MAMDC2: variants seen among roughly 807,000 people sequenced by gnomAD.
MAMDC2 encodes the protein MAM domain-containing protein 2.
A neutral mutation model predicts 89.8 loss-of-function variants in MAMDC2; 57 were observed. The ratio of observed to expected loss-of-function variants is 0.63; its 90% CI spans 0.51 to 0.79. MAMDC2 has a LOEUF of 0.79. Among genes scored for constraint, MAMDC2 ranks in the 30% least tolerant of loss-of-function variants. The pLI is 0.00. For synonymous variants in MAMDC2, 313 were observed against 293.4 expected (o/e 1.07, Z -0.68); for missense variants, 800 against 820.6 (o/e 0.97, Z 0.31).
At chr9:70,107,223 G>A (rs536530045) in intron 2 of MAMDC2, among the ~76,000 whole-genome samples, 3 of 152,230 alleles carry the variant, frequency 2.0e-5, no homozygotes, top group South Asian at 2.1e-4. Context: ...GGGTTTGGAA[G>A]GCTCGAGTTA....
At chr9:70,064,688 A>C (rs1418889167) in intron 2 of MAMDC2, among the ~76,000 whole-genome samples, 1 of 152,196 alleles carries the variant, frequency 6.6e-6, no homozygotes, top group Non-Finnish European at 1.5e-5. Flanking sequence ...TAAATGGCAA[A>C]AATTTTACTG....
At chr9:70,179,465 A>G (rs1167577175) in intron 11 of MAMDC2, among the ~76,000 whole-genome samples, 1 of 151,708 alleles carries the variant, frequency 6.6e-6, no homozygotes, top group Non-Finnish European at 1.5e-5. Context: ...CGGAGCTTGC[A>G]GTGAGCCGAG....
At chr9:70,065,277 T>TA (rs1369758633) in intron 2 of MAMDC2, among the ~76,000 whole-genome samples, 1 of 152,182 alleles carries the variant, frequency 6.6e-6, no homozygotes, top group Non-Finnish European at 1.5e-5. Context: ...TCCATATTGA[T>TA]AAGATTTGCT....
At chr9:70,140,365 C>A in intron 8 of MAMDC2, 77 bp downstream of exon 8, 1 of 1,428,128 alleles carries the variant, frequency 7.0e-7, no homozygotes, top group Non-Finnish European at 9.4e-7. Flanking sequence ...TTCACACCTG[C>A]AAAGACATCG....
At chr9:70,154,794 G>A (rs2031698920) in intron 9 of MAMDC2, among the ~76,000 whole-genome samples, 2 of 152,232 alleles carry the variant, frequency 1.3e-5, no homozygotes, top group South Asian at 2.1e-4. Context: ...TTACAGGCGT[G>A]AGCCACCGTG....
intron 4 of MAMDC2, among the ~76,000 whole-genome samples, chr9:70,110,016 T>C (rs959396462): frequency 1.3e-5 from 2 of 152,200 alleles, no homozygotes; most frequent in East Asian, 1.9e-4. Flanking sequence ...GCCTGTACAG[T>C]CTGGATTAAT....
At chr9:70,138,771 A>G (rs998516405) in intron 7 of MAMDC2, among the ~76,000 whole-genome samples, 7 of 152,132 alleles carry the variant, frequency 4.6e-5, no homozygotes, top group Admixed American at 2.0e-4. Context: ...AGGGTAAATA[A>G]TACCAGAACT....
At chr9:70,179,966 T>A (rs1209412335) in intron 11 of MAMDC2, among the ~76,000 whole-genome samples, 1 of 151,066 alleles carries the variant, frequency 6.6e-6, no homozygotes, top group African/African-American at 2.4e-5. Context: ...TTGCCAGACC[T>A]ATCATCCCAA....
intron 2 of MAMDC2, among the ~76,000 whole-genome samples, chr9:70,068,725 C>CAAAAAAAAA (rs34946038): frequency 2.0e-5 from 2 of 99,754 alleles, no homozygotes; most frequent in Admixed American, 1.3e-4. Context: ...CCCTCCATCA[C>CAAAAAAAAA]AAAAAAAAAA....
intron 2 of MAMDC2, among the ~76,000 whole-genome samples, chr9:70,098,978 C>G (rs1828093340): frequency 6.6e-6 from 1 of 152,028 alleles, no homozygotes; most frequent in Non-Finnish European, 1.5e-5. Flanking sequence ...GAGCTGAAGT[C>G]TTAAAAGTTA....
intron 2 of MAMDC2, among the ~76,000 whole-genome samples, chr9:70,078,231 A>G (rs1442134605): frequency 6.6e-6 from 1 of 152,184 alleles, no homozygotes; most frequent in Admixed American, 6.5e-5. Context: ...GTATCTTACT[A>G]ACCTTAAATC....
intron 2 of MAMDC2, among the ~76,000 whole-genome samples, chr9:70,084,410 G>A (rs1291944628): frequency 2.6e-5 from 4 of 152,056 alleles, no homozygotes; most frequent in Admixed American, 6.6e-5. Context: ...ACCTGATATA[G>A]AGTAGATGCT....
chr9:70,044,259 G>A (rs753387274), intron 1 of MAMDC2, 28 bp downstream of exon 1: 5 of 1,609,356 alleles, frequency 3.1e-6, no homozygotes, highest in Middle Eastern at 1.6e-4. Flanking sequence ...GGACAACCCC[G>A]GGGGCGCTCT....
At chr9:70,196,822 T>C (rs1056950596) in intron 11 of MAMDC2, among the ~76,000 whole-genome samples, 2 of 152,150 alleles carry the variant, frequency 1.3e-5, no homozygotes, top group Middle Eastern at 3.4e-3. Context: ...GCCAGGATAG[T>C]GTACAAAGCA....
At chr9:70,149,744 C>A (rs1292220296) in intron 9 of MAMDC2, among the ~76,000 whole-genome samples, 1 of 152,056 alleles carries the variant, frequency 6.6e-6, no homozygotes, top group African/African-American at 2.4e-5. Flanking sequence ...ATAAAGTGCA[C>A]CAGGGTATTG....
At chr9:70,213,087 C>T (rs2033387359) in intron 11 of MAMDC2, among the ~76,000 whole-genome samples, 1 of 152,160 alleles carries the variant, frequency 6.6e-6, no homozygotes, top group Admixed American at 6.5e-5. Context: ...AAGAGGTTTC[C>T]TCTCTTCCAG....
intron 12 of MAMDC2, among the ~76,000 whole-genome samples, chr9:70,224,855 T>C (rs1261277257): frequency 6.6e-6 from 1 of 152,236 alleles, no homozygotes; most frequent in Non-Finnish European, 1.5e-5. Flanking sequence ...AGTCTGTCAC[T>C]GAAGCATCTT....
intron 6 of MAMDC2, among the ~76,000 whole-genome samples, chr9:70,127,832 G>A (rs117048341): frequency 0.025 from 3,791 of 152,262 alleles, 66 homozygotes; most frequent in Non-Finnish European, 0.036. Context: ...AGGAGGAAAA[G>A]AAATGCATGT....
intron 11 of MAMDC2, among the ~76,000 whole-genome samples, chr9:70,203,075 T>G (rs2033138319): frequency 6.6e-6 from 1 of 152,104 alleles, no homozygotes. Flanking sequence ...AATATTGTTA[T>G]GTGTGAATTT....
Sources: allele counts gnomAD v4.1 joint callset (sites outside exome capture counted in the v4.1 genomes callset), GRCh38; gene constraint gnomAD v4.1.1; transcripts MANE v1.5; gene names NCBI Gene and HGNC (gene_info 2026-07-23, HGNC 2026-07-21).